KREMEN1: variants seen among roughly 807,000 people sequenced by gnomAD.
KREMEN1 encodes the protein kremen protein 1.
KREMEN1 carries 30 observed loss-of-function variants against 46.5 expected under a neutral mutation model. The ratio of observed to expected loss-of-function variants is 0.65; its 90% CI spans 0.48 to 0.88. KREMEN1 has a LOEUF of 0.88. Among genes scored for constraint, KREMEN1 ranks in the 40% least tolerant of loss-of-function variants. KREMEN1 has a pLI of 0.00. For missense variants in KREMEN1, 533 were observed against 596.9 expected, an observed-to-expected ratio of 0.89 and a Z score of 1.11; for synonymous variants, 214 against 230.6, an observed-to-expected ratio of 0.93 and a Z score of 0.65.
chr22:29,105,478 TACAC>T (rs10642386), intron 3 of KREMEN1, among the ~76,000 whole-genome samples: 14,371 of 146,922 alleles, frequency 0.098, 931 homozygotes, highest in African/African-American at 0.2. Flanking sequence ...CACACACACA[TACAC>T]ACACACACAC....
At chr22:29,153,288 C>A (rs971932832) in intron 9 of KREMEN1, among the ~76,000 whole-genome samples, 2 of 152,178 alleles carry the variant, frequency 1.3e-5, no homozygotes, top group Non-Finnish European at 2.9e-5. Flanking sequence ...TGCCGACCTC[C>A]TATCTCATCC....
In KREMEN1 at chr22:29,143,903, C is replaced by T. The variant is rs1444017104; in HGVS notation, c.*1791C>T. ...GGAGGTGGGCTGCAGAGATTGGTGCCAGAAGAGGGTGGGTTTGGGAATTGG... is the reference window on the plus strand; with the variant it reads ...GGAGGTGGGCTGCAGAGATTGGTGCTAGAAGAGGGTGGGTTTGGGAATTGG... On this transcript the variant is annotated 3_prime_UTR_variant, in exon 9 of 9. Transcript: ENST00000400335. The T allele has an allele frequency of 1.0e-6, 1 of 985,388 alleles. No homozygotes were observed. Among genetic ancestry groups the T allele is most frequent in the African/African-American group, 1.7e-5 (1 of 57,230 alleles). 61.0% of individuals were successfully genotyped at this position (985,388 alleles called of 1,614,324 possible). A position where few individuals can be genotyped will look rare whatever the true frequency, so the allele number is the denominator to read the frequency against.
At chr22:29,099,205 T>A in intron 3 of KREMEN1, 1 of 388,688 alleles carries the variant, frequency 2.6e-6, no homozygotes, top group Non-Finnish European at 4.7e-6. Context: ...TTCCTACTTT[T>A]GGTTAATTTC....
chr22:29,147,444 C>T (rs2038880391), downstream of KREMEN1, among the ~76,000 whole-genome samples: 2 of 152,212 alleles, frequency 1.3e-5, no homozygotes, highest in Non-Finnish European at 2.9e-5. Context: ...GTACCACTTT[C>T]CCTCTTTGGC....
In KREMEN1 at chr22:29,121,339, T is replaced by G. The variant is rs781379613; in HGVS notation, c.353-18T>G. On this transcript the variant is annotated intron_variant, in intron 3 of 8. Transcript: ENST00000400335. The stretch of plus-strand genomic sequence containing the variant: ...AGCCAGATGTTGCGAAATTCTTTTG[T>G]TTTTCTTTTTTCTTTAGTGCCTGGA... 90 of 1,612,260 alleles carry G rather than the reference T, an allele frequency of 5.6e-5. No individual in the cohort carries two copies. The highest frequency in any genetic ancestry group is 3.3e-4 in the Middle Eastern group (2 of 6,076).
chr22:29,143,402 G>A lies in KREMEN1; in HGVS notation c.*1290G>A. 1.0e-6 allele frequency: 1 copy of A among 985,400 alleles called. No homozygotes were observed. Among genetic ancestry groups the A allele is most frequent in the Non-Finnish European group, 1.2e-6 (1 of 829,960 alleles). The allele number at this position is 985,400 out of a possible 1,614,324, so 61.0% of individuals were successfully genotyped here. The stretch of plus-strand genomic sequence containing the variant: ...CCTTAGGCAGCACTATATGAGACAT[G>A]GGGCCTGTGGTCCTTCCTTCTGGTG... On this transcript the variant is annotated 3_prime_UTR_variant, in exon 9 of 9. Transcript: ENST00000400335.
At chr22:29,114,719 A>C (rs1251145086) in intron 3 of KREMEN1, among the ~76,000 whole-genome samples, 1 of 152,174 alleles carries the variant, frequency 6.6e-6, no homozygotes, top group Non-Finnish European at 1.5e-5. Flanking sequence ...CTGAGACAGC[A>C]ACCAAAAGAC....
intron 5 of KREMEN1, among the ~76,000 whole-genome samples, chr22:29,132,469 C>CATTCTG (rs1342149924): frequency 7.2e-5 from 11 of 152,142 alleles, no homozygotes; most frequent in Non-Finnish European, 1.6e-4. Flanking sequence ...AGTGGATGTG[C>CATTCTG]CATTTTGCAT....
intron 8 of KREMEN1, among the ~76,000 whole-genome samples, chr22:29,140,794 C>T (rs951883033): frequency 2.6e-5 from 4 of 152,326 alleles, no homozygotes; most frequent in African/African-American, 9.6e-5. Flanking sequence ...TATTTTAAAA[C>T]AGTTATTGAA....
intron 3 of KREMEN1, among the ~76,000 whole-genome samples, chr22:29,101,252 CAAAAAAA>C (rs368843166): frequency 2.7e-5 from 2 of 74,806 alleles, no homozygotes; most frequent in African/African-American, 5.4e-5. Context: ...AGTCTGTCTC[CAAAAAAA>C]AAAAAAAAAA....
At chr22:29,147,077 G>GCC (rs2038875899), downstream of KREMEN1, among the ~76,000 whole-genome samples, 1 of 152,132 alleles carries the variant, frequency 6.6e-6, no homozygotes, top group Non-Finnish European at 1.5e-5. Context: ...GAGGGTCAGG[G>GCC]CAGAGCACAA....
At chr22:29,098,836 A>G (rs367894854) in intron 2 of KREMEN1, 26 bp from the exon 3 acceptor site, 72 of 1,550,390 alleles carry the variant, frequency 4.6e-5, no homozygotes, top group Non-Finnish European at 6.1e-5. Flanking sequence ...ATCAGAAGTC[A>G]TCAATTGTGT....
chr22:29,165,918 A>G (rs1331791044), intron 9 of KREMEN1, among the ~76,000 whole-genome samples: 2 of 152,214 alleles, frequency 1.3e-5, no homozygotes, highest in Admixed American at 1.3e-4. Context: ...GGGAGAGGAA[A>G]GAGCTGCCTC....
intron 3 of KREMEN1, among the ~76,000 whole-genome samples, chr22:29,104,157 ATT>A (rs35950264): frequency 2.6e-4 from 37 of 140,342 alleles, no homozygotes; most frequent in African/African-American, 3.9e-4. Context: ...CTAAATTGTA[ATT>A]TTTTTTTTTT....
intron 9 of KREMEN1, among the ~76,000 whole-genome samples, chr22:29,164,881 G>A (rs2039040737): frequency 6.6e-6 from 1 of 152,102 alleles, no homozygotes; most frequent in Admixed American, 6.6e-5. Flanking sequence ...GGGATCAAGA[G>A]GCCAGGAGTT....
chr22:29,091,190 C>G (rs2037799377), intron 1 of KREMEN1, among the ~76,000 whole-genome samples: 1 of 152,204 alleles, frequency 6.6e-6, no homozygotes. Context: ...CCAGGCTGGT[C>G]TCGAACTCCT....
intron 5 of KREMEN1, among the ~76,000 whole-genome samples, chr22:29,131,688 ATGTATATATG>A (rs977295340): frequency 1.6e-5 from 2 of 122,560 alleles, no homozygotes; most frequent in Admixed American, 8.2e-5. Flanking sequence ...GCATATATAC[ATGTATATATG>A]TGTATATATA....
chr22:29,119,396 G>T (rs1234614754), intron 3 of KREMEN1, among the ~76,000 whole-genome samples: 1 of 152,176 alleles, frequency 6.6e-6, no homozygotes, highest in Admixed American at 6.5e-5. Context: ...AGGCATGATT[G>T]ATTATTAACT....
chr22:29,145,030 G>T lies in KREMEN1; in HGVS notation c.*2918G>T. 1.0e-6 allele frequency: 1 copy of T among 985,528 alleles called. No homozygotes were observed. The highest frequency in any genetic ancestry group is 1.2e-6 in the Non-Finnish European group (1 of 829,996). 61.0% of individuals were successfully genotyped at this position (985,528 alleles called of 1,614,324 possible). On this transcript the variant is annotated 3_prime_UTR_variant, in exon 9 of 9. Coordinates refer to ENST00000400335, the MANE Select transcript of KREMEN1 (RefSeq NM_001039570.3). Reference sequence around the variant, plus strand: ...AGGACAGCGTACGGGCAGGAGGGCTGTAAATCATCCCAGGCTAAGCCTCCG... The same window carrying T: ...AGGACAGCGTACGGGCAGGAGGGCTTTAAATCATCCCAGGCTAAGCCTCCG...
Sources: allele counts gnomAD v4.1 joint callset (sites outside exome capture counted in the v4.1 genomes callset), GRCh38; gene constraint gnomAD v4.1.1; transcripts MANE v1.5; gene names NCBI Gene and HGNC (gene_info 2026-07-23, HGNC 2026-07-21).